Variants in CHLSN observed in about 807,000 individuals in gnomAD.
CHLSN encodes cholesin, also known as protein cholesin.
the CHLSN span, among the ~76,000 whole-genome samples, chr7:1,070,755 G>A: frequency 7.0e-5 from 10 of 142,100 alleles, no homozygotes; most frequent in East Asian, 1.3e-3. Context: ...CACAACGCAC[G>A]CAGACATACA....
the CHLSN span, among the ~76,000 whole-genome samples, chr7:1,032,482 C>CA: frequency 0.049 from 6,720 of 136,276 alleles, 42 homozygotes; most frequent in Middle Eastern, 0.076. Flanking sequence ...CCCCAGGTGA[C>CA]AGTGGCCCTC....
At chr7:1,133,409 A>AAAAAAAAAAAAAAAAAAAAAAAC in the CHLSN span, among the ~76,000 whole-genome samples, 1 of 149,546 alleles carries the variant, frequency 6.7e-6, no homozygotes, top group Non-Finnish European at 1.5e-5. Flanking sequence ...AAAAAAAAAA[A>AAAAAAAAAAAAAAAAAAAAAAAC]AAAACTATAA....
chr7:1,001,289 G>A, the CHLSN span, among the ~76,000 whole-genome samples: 851 of 152,308 alleles, frequency 5.6e-3, 9 homozygotes, highest in African/African-American at 0.019. Flanking sequence ...TGCCTGTTGT[G>A]AGCGCTGCCC....
the CHLSN span, chr7:1,093,549 C>G: frequency 2.1e-6 from 1 of 471,086 alleles, no homozygotes. Flanking sequence ...GCCGTCTGCT[C>G]CGGGGTGGTT....
chr7:1,073,453 T>G, the CHLSN span, among the ~76,000 whole-genome samples: 1 of 152,072 alleles, frequency 6.6e-6, no homozygotes, highest in Non-Finnish European at 1.5e-5. Flanking sequence ...CTAATCCCGC[T>G]GGAATCTGCC....
the CHLSN span, among the ~76,000 whole-genome samples, chr7:1,018,079 C>T: frequency 2.4e-4 from 36 of 152,308 alleles, 1 homozygote; most frequent in South Asian, 4.6e-3. Flanking sequence ...CCCACTCACA[C>T]GAGCACGCAT....
At chr7:1,120,424 T>C in the CHLSN span, among the ~76,000 whole-genome samples, 8 of 152,280 alleles carry the variant, frequency 5.3e-5, no homozygotes, top group Middle Eastern at 3.4e-3. Flanking sequence ...CCCTAGCAGC[T>C]GAGATTACAG....
At chr7:1,048,049 G>GC in the CHLSN span, among the ~76,000 whole-genome samples, 1 of 152,204 alleles carries the variant, frequency 6.6e-6, no homozygotes, top group East Asian at 1.9e-4. Context: ...GCAAAGACTG[G>GC]CGGAGGGGTG....
chr7:1,018,052 C>T, the CHLSN span, among the ~76,000 whole-genome samples: 1 of 152,346 alleles, frequency 6.6e-6, no homozygotes, highest in African/African-American at 2.4e-5. Flanking sequence ...GACGTTCCCA[C>T]ACCCTAGGCA....
chr7:985,139 C>T, the CHLSN span: 40 of 1,601,684 alleles, frequency 2.5e-5, no homozygotes, highest in South Asian at 3.6e-4. Flanking sequence ...CGGGCCTGGA[C>T]GTGCCTGAGG....
the CHLSN span, among the ~76,000 whole-genome samples, chr7:1,131,529 C>T: frequency 6.6e-6 from 1 of 152,186 alleles, no homozygotes; most frequent in Admixed American, 6.5e-5. Context: ...AACCCCAAGC[C>T]CCTTATTCTT....
At chr7:1,016,494 C>T in the CHLSN span, among the ~76,000 whole-genome samples, 2 of 138,174 alleles carry the variant, frequency 1.4e-5, no homozygotes, top group Non-Finnish European at 3.2e-5. Flanking sequence ...CACACAGCAG[C>T]GCACAGCAGC....
At chr7:1,027,985 A>T in the CHLSN span, among the ~76,000 whole-genome samples, 1 of 151,392 alleles carries the variant, frequency 6.6e-6, no homozygotes, top group Non-Finnish European at 1.5e-5. Flanking sequence ...CCACCCTGCC[A>T]CCCGCGGCCC....
At chr7:1,000,071 C>A in the CHLSN span, among the ~76,000 whole-genome samples, 15 of 152,240 alleles carry the variant, frequency 9.9e-5, no homozygotes, top group Non-Finnish European at 2.9e-5. Context: ...CCTAAGGTTA[C>A]CCCGTGTTGG....
At chr7:1,041,572 G>A in the CHLSN span, among the ~76,000 whole-genome samples, 1 of 152,184 alleles carries the variant, frequency 6.6e-6, no homozygotes, top group East Asian at 1.9e-4. Context: ...TCTCACTTAT[G>A]CTAAGGCTCA....
the CHLSN span, among the ~76,000 whole-genome samples, chr7:1,049,652 C>T: frequency 8.8e-3 from 1,336 of 152,304 alleles, 10 homozygotes; most frequent in Non-Finnish European, 0.014. Flanking sequence ...CAGCAGGGCA[C>T]GGTCCTTCCT....
At chr7:1,116,374 C>A in the CHLSN span, among the ~76,000 whole-genome samples, 1 of 143,562 alleles carries the variant, frequency 7.0e-6, no homozygotes, top group Non-Finnish European at 1.5e-5. Context: ...CTAGGGACAG[C>A]TTCCATCACC....
chr7:1,016,432 G>C, the CHLSN span, among the ~76,000 whole-genome samples: 1 of 111,104 alleles, frequency 9.0e-6, no homozygotes, highest in Non-Finnish European at 1.8e-5. Context: ...CCAGCACACA[G>C]CAGCGCACGC....
the CHLSN span, among the ~76,000 whole-genome samples, chr7:1,027,294 AACGGTCACC>A: frequency 1.3e-5 from 2 of 152,258 alleles, no homozygotes; most frequent in Non-Finnish European, 2.9e-5. Context: ...ACTCTGAAGC[AACGGTCACC>A]ATTCCCGCCG....
Sources: gnomAD v4.1 joint callset for allele counts (sites outside exome capture counted in the v4.1 genomes callset) on GRCh38, gnomAD v4.1.1 for gene constraint, MANE v1.5 for transcripts, NCBI Gene and HGNC (gene_info 2026-07-23, HGNC 2026-07-21) for gene names.